NLGN1: variants seen among roughly 807,000 people sequenced by gnomAD.
The protein encoded by NLGN1 is neuroligin-1.
A neutral mutation model predicts 65.5 loss-of-function variants in NLGN1; 12 were observed. The observed-to-expected ratio is 0.18, with a 90% CI of 0.12 to 0.30. The LOEUF (loss-of-function observed/expected upper bound fraction) is 0.30, where lower values mean the gene tolerates loss of function less well. Ranked by LOEUF, NLGN1 falls within the 10% of genes least tolerant of loss-of-function variation. The pLI, the probability that NLGN1 is intolerant of heterozygous loss-of-function variation, is 1.00. For missense variants in NLGN1, 750 were observed against 1,007.1 expected, an observed-to-expected ratio of 0.74 and a Z score of 3.46; for synonymous variants, 350 against 359.5, an observed-to-expected ratio of 0.97 and a Z score of 0.30.
chr3:173,472,867 G>A (rs10490868), intron 2 of NLGN1, among the ~76,000 whole-genome samples: 23,979 of 152,026 alleles, frequency 0.16, 1,971 homozygotes, highest in Middle Eastern at 0.26. Flanking sequence ...TGACCCAAAT[G>A]GCATAAGTGA....
chr3:173,527,704 T>A (rs192395596), intron 2 of NLGN1, among the ~76,000 whole-genome samples: 18 of 152,300 alleles, frequency 1.2e-4, no homozygotes, highest in African/African-American at 3.8e-4. Flanking sequence ...TCCCCATTTT[T>A]AAATTATATT....
At chr3:174,201,963 C>T (rs1734587652) in intron 4 of NLGN1, among the ~76,000 whole-genome samples, 2 of 152,004 alleles carry the variant, frequency 1.3e-5, no homozygotes, top group Non-Finnish European at 2.9e-5. Flanking sequence ...TCTCTGTGTA[C>T]TTCTTATTCT....
chr3:173,401,846 T>C (rs949843952), intron 1 of NLGN1, among the ~76,000 whole-genome samples: 2 of 152,202 alleles, frequency 1.3e-5, no homozygotes, highest in Non-Finnish European at 1.5e-5. Context: ...ATATAATTTT[T>C]CCACATGCTA....
intron 4 of NLGN1, among the ~76,000 whole-genome samples, chr3:174,104,981 CAA>C (rs907936207): frequency 2.6e-5 from 4 of 151,912 alleles, no homozygotes; most frequent in Admixed American, 6.6e-5. Flanking sequence ...TGGCTAGTGA[CAA>C]GAGTAGAAAA....
At chr3:173,851,937 T>C (rs1413194060) in intron 4 of NLGN1, among the ~76,000 whole-genome samples, 1 of 149,614 alleles carries the variant, frequency 6.7e-6, no homozygotes, top group East Asian at 1.9e-4. Context: ...ATGTCACTTG[T>C]TTTTTTTTTC....
chr3:173,698,687 C>A (rs1248618048), intron 3 of NLGN1, among the ~76,000 whole-genome samples: 1 of 152,072 alleles, frequency 6.6e-6, no homozygotes, highest in Non-Finnish European at 1.5e-5. Context: ...TTCTGTTGTC[C>A]ATACATACAC....
intron 3 of NLGN1, among the ~76,000 whole-genome samples, chr3:173,679,300 C>T (rs886577563): frequency 4.6e-5 from 7 of 151,524 alleles, no homozygotes; most frequent in Admixed American, 6.6e-5. Flanking sequence ...ACAGAAAATG[C>T]GCAGTTCAAG....
chr3:173,505,431 A>G (rs986492), intron 2 of NLGN1, among the ~76,000 whole-genome samples: 6,645 of 152,190 alleles, frequency 0.044, 163 homozygotes, highest in Non-Finnish European at 0.068. Context: ...TTGGCTTCCT[A>G]TAATTCTTTA....
At chr3:174,033,122 T>C (rs1199674306) in intron 4 of NLGN1, among the ~76,000 whole-genome samples, 1 of 151,596 alleles carries the variant, frequency 6.6e-6, no homozygotes, top group Non-Finnish European at 1.5e-5. Context: ...AAATACTTCT[T>C]CTCCCCCACA....
At chr3:174,051,026 G>C (rs185361459) in intron 4 of NLGN1, among the ~76,000 whole-genome samples, 7 of 152,146 alleles carry the variant, frequency 4.6e-5, no homozygotes, top group Non-Finnish European at 1.5e-5. Context: ...ACTTCTAAGA[G>C]ATCAAACAAG....
downstream of NLGN1, among the ~76,000 whole-genome samples, chr3:174,291,592 TA>T (rs1752768689): frequency 6.6e-6 from 1 of 151,290 alleles, no homozygotes; most frequent in Admixed American, 6.6e-5. Context: ...AAAATTAAAG[TA>T]ACATACAAAA....
chr3:173,424,310 G>A (rs1715700907), intron 1 of NLGN1, among the ~76,000 whole-genome samples: 1 of 152,150 alleles, frequency 6.6e-6, no homozygotes, highest in Non-Finnish European at 1.5e-5. Context: ...TTTCCCCATT[G>A]TCTTTGCTAA....
At chr3:173,629,997 T>A (rs955203930) in intron 3 of NLGN1, among the ~76,000 whole-genome samples, 1 of 152,138 alleles carries the variant, frequency 6.6e-6, no homozygotes, top group African/African-American at 2.4e-5. Context: ...AAGGGGTTAT[T>A]TGAGAAGTAT....
intron 4 of NLGN1, among the ~76,000 whole-genome samples, chr3:174,196,350 A>G (rs1733415461): frequency 6.6e-6 from 1 of 152,014 alleles, no homozygotes; most frequent in African/African-American, 2.4e-5. Flanking sequence ...TGAAGATCAA[A>G]TTTCCCAAGC....
intron 2 of NLGN1, among the ~76,000 whole-genome samples, chr3:173,568,968 C>T (rs1351156347): frequency 3.9e-5 from 6 of 152,226 alleles, no homozygotes; most frequent in Admixed American, 2.0e-4. Context: ...TGAATCACCG[C>T]GCCTGGCCTA....
intron 4 of NLGN1, among the ~76,000 whole-genome samples, chr3:174,115,387 C>T (rs566236182): frequency 6.6e-6 from 1 of 152,286 alleles, no homozygotes; most frequent in Admixed American, 6.5e-5. Context: ...AAACAAGATT[C>T]GATCTCAGCT....
chr3:173,878,139 T>A (rs966055036), intron 4 of NLGN1, among the ~76,000 whole-genome samples: 1 of 152,062 alleles, frequency 6.6e-6, no homozygotes, highest in Non-Finnish European at 1.5e-5. Context: ...CCTCCCGGGT[T>A]CAAGCGATTC....
chr3:174,043,094 T>C lies in NLGN1; in HGVS notation c.647-232221T>C, dbSNP rs138974897. On this transcript the variant is annotated intron_variant, in intron 4 of 6. Coordinates refer to ENST00000457714, the Ensembl canonical transcript of NLGN1. Reference sequence around the variant, plus strand: ...AGATGTTTATAAAACCATCAGATCTTGTGAGAACTCACTCACCATCATGAG... The same window carrying C: ...AGATGTTTATAAAACCATCAGATCTCGTGAGAACTCACTCACCATCATGAG... Among the ~76,000 whole-genome samples, 903 of 152,288 alleles carry C rather than the reference T, an allele frequency of 5.9e-3. 6 individuals are homozygous for C. Among genetic ancestry groups the C allele is most frequent in the Middle Eastern group, 0.051 (15 of 294 alleles).
chr3:173,800,294 T>C, intron 3 of NLGN1: 2 of 1,176,840 alleles, frequency 1.7e-6, no homozygotes, highest in Non-Finnish European at 2.2e-6. Context: ...CAATCCTAGG[T>C]CCCCTTACAA....
Sources: gnomAD v4.1 joint callset for allele counts (sites outside exome capture counted in the v4.1 genomes callset) on GRCh38, gnomAD v4.1.1 for gene constraint, MANE v1.5 for transcripts, NCBI Gene and HGNC (gene_info 2026-07-23, HGNC 2026-07-21) for gene names.